The following DPP10 variants were observed in gnomAD, a reference collection of about 807,000 sequenced individuals.
DPP10 encodes inactive dipeptidyl peptidase 10.
A neutral mutation model predicts 120.9 loss-of-function variants in DPP10; 33 were observed. That is an observed-to-expected ratio of 0.27 (90% confidence interval 0.21 to 0.37). The LOEUF is 0.37. DPP10 is among the 10% of genes least tolerant of loss of function. The probability of loss-of-function intolerance (pLI) is 1.00; values close to 1 mark genes in which losing one functional copy is unlikely to be tolerated. For missense variants in DPP10, 816 were observed against 942.8 expected (o/e 0.87, Z 1.76); for synonymous variants, 337 against 326.1 (o/e 1.03, Z -0.36).
At chr2:114,625,289 T>A (rs1217201726) in intron 1 of DPP10, among the ~76,000 whole-genome samples, 2 of 151,976 alleles carry the variant, frequency 1.3e-5, no homozygotes, top group Non-Finnish European at 2.9e-5. Flanking sequence ...TAACAAGATC[T>A]TCTAGCCCCA....
chr2:115,597,042 A>G (rs913227658), intron 5 of DPP10, among the ~76,000 whole-genome samples: 3 of 152,194 alleles, frequency 2.0e-5, no homozygotes, highest in Admixed American at 1.3e-4. Context: ...ATTTAACTAC[A>G]TGAGAAGCAG....
chr2:115,769,291 A>T (rs1681171843), intron 13 of DPP10, among the ~76,000 whole-genome samples: 1 of 152,110 alleles, frequency 6.6e-6, no homozygotes, highest in Non-Finnish European at 1.5e-5. Context: ...AAATATAAAT[A>T]TGGCAAAGAT....
intron 1 of DPP10, among the ~76,000 whole-genome samples, chr2:115,148,022 C>G (rs12469615): frequency 0.15 from 23,409 of 152,000 alleles, 2,107 homozygotes; most frequent in East Asian, 0.3. Context: ...TGAAGAGAAG[C>G]CATCCTTTCT....
intron 11 of DPP10, among the ~76,000 whole-genome samples, chr2:115,755,877 A>T (rs906983790): frequency 5.3e-5 from 8 of 151,796 alleles, no homozygotes; most frequent in Non-Finnish European, 8.8e-5. Context: ...ATGGATTTTT[A>T]AAAAAGCATA....
chr2:115,271,473 T>C (rs2105813304), intron 1 of DPP10, among the ~76,000 whole-genome samples: 1 of 152,304 alleles, frequency 6.6e-6, no homozygotes, highest in East Asian at 1.9e-4. Context: ...TTTTTTTCTT[T>C]ACTATTGAAC....
chr2:114,663,234 C>G (rs989399068), intron 1 of DPP10, among the ~76,000 whole-genome samples: 1 of 138,918 alleles, frequency 7.2e-6, no homozygotes. Flanking sequence ...ATATTAAGAG[C>G]CTTGTGTGTG....
At chr2:115,766,310 G>GTGTGTGTA (rs1371625141) in intron 12 of DPP10, among the ~76,000 whole-genome samples, 6 of 81,746 alleles carry the variant, frequency 7.3e-5, no homozygotes, top group Admixed American at 1.3e-4. Context: ...GTGTGTGTGT[G>GTGTGTGTA]TATATATATA....
chr2:115,068,694 A>C (rs1707125990), intron 1 of DPP10, among the ~76,000 whole-genome samples: 1 of 152,146 alleles, frequency 6.6e-6, no homozygotes, highest in Non-Finnish European at 1.5e-5. Context: ...ATAATTTTAT[A>C]GTTTCAGATG....
intron 4 of DPP10, among the ~76,000 whole-genome samples, chr2:115,510,598 T>C (rs2077173587): frequency 6.6e-6 from 1 of 152,178 alleles, no homozygotes; most frequent in South Asian, 2.1e-4. Flanking sequence ...TGAACTTTGC[T>C]CTTTTTCAAA....
chr2:115,713,752 T>TCCTCCTTTTTCCCC (rs1435617735), intron 7 of DPP10, among the ~76,000 whole-genome samples: 1 of 152,198 alleles, frequency 6.6e-6, no homozygotes, highest in East Asian at 1.9e-4. Flanking sequence ...CCTTTTTGTC[T>TCCTCCTTTTTCCCC]TCCTCCTCCT....
intron 15 of DPP10, 58 bp from the exon 16 acceptor site, chr2:115,780,816 A>G: frequency 6.7e-7 from 1 of 1,489,598 alleles, no homozygotes; most frequent in South Asian, 1.3e-5. Flanking sequence ...TGAACACCAC[A>G]CATTCAAGTG....
At chr2:115,605,166 A>G (rs181891799) in intron 5 of DPP10, among the ~76,000 whole-genome samples, 1 of 152,220 alleles carries the variant, frequency 6.6e-6, no homozygotes, top group Admixed American at 6.5e-5. Context: ...CTTTTTTGGC[A>G]AATAATGATT....
intron 1 of DPP10, among the ~76,000 whole-genome samples, chr2:115,221,887 T>A (rs1259689691): frequency 6.6e-6 from 1 of 151,810 alleles, no homozygotes; most frequent in Non-Finnish European, 1.5e-5. Context: ...AAAGCCAGAT[T>A]GGGCATCAAA....
intron 5 of DPP10, among the ~76,000 whole-genome samples, chr2:115,538,499 C>A (rs942752183): frequency 6.6e-6 from 1 of 151,904 alleles, no homozygotes; most frequent in Non-Finnish European, 1.5e-5. Context: ...GGTTGATTTA[C>A]AGATAATCTA....
chr2:115,301,030 T>C (rs1374165078), intron 1 of DPP10, among the ~76,000 whole-genome samples: 1 of 152,052 alleles, frequency 6.6e-6, no homozygotes, highest in Non-Finnish European at 1.5e-5. Flanking sequence ...TCAGGCATTT[T>C]CTAGGTCTGT....
rs1236370386 is a variant in DPP10, at chr2:115,441,880, A to G, written c.272-57630A>G. 1.2e-4 allele frequency among the ~76,000 whole-genome samples: 17 copies of G among 141,120 alleles called. No individual in the cohort carries two copies. In the East Asian group the frequency reaches 2.9e-3, roughly 24 times the overall value. 92.6% of individuals were successfully genotyped at this position (141,120 alleles called of 152,430 possible). A position where few individuals can be genotyped will look rare whatever the true frequency, so the allele number is the denominator to read the frequency against. ...CCCCAGGCTGGAGTGCAGTGGCACGATCTCAGCTCACTTCAACCTCCACTT... is the reference window on the plus strand; with the variant it reads ...CCCCAGGCTGGAGTGCAGTGGCACGGTCTCAGCTCACTTCAACCTCCACTT... On this transcript the variant is annotated intron_variant, in intron 3 of 25. Transcript: ENST00000410059.
intron 1 of DPP10, among the ~76,000 whole-genome samples, chr2:114,593,354 G>C (rs1466586967): frequency 6.6e-6 from 1 of 152,136 alleles, no homozygotes; most frequent in African/African-American, 2.4e-5. Context: ...CAGCTCCACT[G>C]CTTTTATTCA....
rs549906477 is a variant in DPP10 at position 114,582,885 on chromosome 2, T to TA, written c.60+140048dup. 2.4e-3 allele frequency among the ~76,000 whole-genome samples: 368 copies of TA among 152,308 alleles called. 2 individuals are homozygous for TA. Among genetic ancestry groups the TA allele is most frequent in the African/African-American group, 8.4e-3 (350 of 41,580 alleles). On this transcript the variant is annotated intron_variant, in intron 1 of 25. Coordinates refer to ENST00000410059, the MANE Select transcript of DPP10 (RefSeq NM_020868.6). ...AATCATCTATAGAGCTTTCAAATAA[T>TA]ACAGGTTTGACTTGTGTACGTCCTT...
intron 3 of DPP10, among the ~76,000 whole-genome samples, chr2:115,477,097 G>T (rs950857951): frequency 7.9e-5 from 12 of 152,064 alleles, no homozygotes; most frequent in Admixed American, 2.0e-4. Flanking sequence ...TGTCCTTGAA[G>T]ATCAGAAAAA....
Sources: allele counts gnomAD v4.1 joint callset (sites outside exome capture counted in the v4.1 genomes callset), GRCh38; gene constraint gnomAD v4.1.1; transcripts MANE v1.5; gene names NCBI Gene and HGNC (gene_info 2026-07-23, HGNC 2026-07-21).